The following GPD1L variants were observed in gnomAD, a reference collection of about 807,000 sequenced individuals.
GPD1L encodes the protein glycerol-3-phosphate dehydrogenase 1-like protein.
Under a neutral mutation model 32.9 loss-of-function variants are expected in GPD1L, and 17 were observed. That is an observed-to-expected ratio of 0.52 (90% CI 0.35 to 0.78). The LOEUF (loss-of-function observed/expected upper bound fraction) is 0.78. Among genes scored for constraint, GPD1L ranks in the 30% least tolerant of loss-of-function variants. GPD1L has a pLI of 0.01. For synonymous variants in GPD1L, 187 were observed against 165.9 expected (o/e 1.13, Z -0.98); for missense variants, 361 against 447.8 (o/e 0.81, Z 1.75).
chr3:32,167,504 A>C lies in GPD1L; in HGVS notation c.*1594A>C, dbSNP rs1559586521. The C allele has an allele frequency of 6.6e-6, 1 of 152,634 alleles. No homozygotes were observed. Among genetic ancestry groups the C allele is most frequent in the Non-Finnish European group, 1.5e-5 (1 of 68,040 alleles). 9.5% of individuals were successfully genotyped at this position (152,634 alleles called of 1,614,324 possible). On this transcript the variant is annotated 3_prime_UTR_variant, in exon 8 of 8. Coordinates refer to ENST00000282541, the MANE Select transcript of GPD1L (RefSeq NM_015141.4). Reference sequence around the variant, plus strand: ...TGCTGTGAATCTTTGATGAAGCTTTAAGGTGACACTGTTGTACAAGATGTC... The same window carrying C: ...TGCTGTGAATCTTTGATGAAGCTTTCAGGTGACACTGTTGTACAAGATGTC...
chr3:32,140,578 A>G (rs956367520), intron 4 of GPD1L, among the ~76,000 whole-genome samples: 4 of 152,266 alleles, frequency 2.6e-5, no homozygotes, highest in African/African-American at 9.6e-5. Flanking sequence ...ATAAATGAAT[A>G]TAGCCAAGAA....
Position 32,165,883 on chromosome 3 carries a change from T to C in GPD1L, c.1029T>C (p.Cys343=). The C allele has an allele frequency of 6.2e-7, 1 of 1,600,736 alleles. No individual in the cohort carries two copies. The highest frequency in any genetic ancestry group is 8.6e-7 in the Non-Finnish European group (1 of 1,167,696). The change falls in exon 8 of 8, where the codon TGT becomes TGC. Residue 343 remains cysteine (C), a synonymous_variant. Transcript: ENST00000282541. ...GACCAGTTCAAGAGATGTTGTCTTG[T>C]CTTCAGAGCCATCCAGAGCATACAT... ...ESRPVQEMLS[C]LQSHPEHT
At chr3:32,121,015 C>T (rs1243134944) in intron 1 of GPD1L, among the ~76,000 whole-genome samples, 1 of 152,012 alleles carries the variant, frequency 6.6e-6, no homozygotes, top group African/African-American at 2.4e-5. Context: ...GACTCAGGGC[C>T]GTAGAGCAGA....
intron 5 of GPD1L, among the ~76,000 whole-genome samples, 181 bp downstream of exon 5, chr3:32,146,915 C>G (rs1444511137): frequency 6.6e-6 from 1 of 152,212 alleles, no homozygotes; most frequent in African/African-American, 2.4e-5. Flanking sequence ...CAGTTCCTCT[C>G]TTACTCGTGG....
At chr3:32,114,325 A>G (rs186470349) in intron 1 of GPD1L, among the ~76,000 whole-genome samples, 2 of 152,402 alleles carry the variant, frequency 1.3e-5, no homozygotes, top group Admixed American at 1.3e-4. Flanking sequence ...GCAAACCTTC[A>G]TGAACTTAAT....
chr3:32,158,778 C>A, intron 5 of GPD1L, 98 bp from the exon 6 acceptor site: 1 of 1,548,706 alleles, frequency 6.5e-7, no homozygotes, highest in African/African-American at 1.4e-5. Flanking sequence ...AGCCAATGTC[C>A]CTGGTCTGCC....
chr3:32,144,061 A>G (rs1210358515), intron 4 of GPD1L, among the ~76,000 whole-genome samples: 1 of 152,200 alleles, frequency 6.6e-6, no homozygotes, highest in African/African-American at 2.4e-5. Context: ...GTGGAAGACA[A>G]TGCAGAGGTG....
At chr3:32,136,270 C>T (rs1700659084) in intron 2 of GPD1L, among the ~76,000 whole-genome samples, 1 of 152,220 alleles carries the variant, frequency 6.6e-6, no homozygotes. Context: ...CAGCATCCCA[C>T]ACTGTTCAAG....
intron 1 of GPD1L, among the ~76,000 whole-genome samples, chr3:32,110,732 T>C (rs1700233868): frequency 6.6e-6 from 1 of 152,252 alleles, no homozygotes; most frequent in Non-Finnish European, 1.5e-5. Flanking sequence ...AGCCCTGCTG[T>C]GTTGCCCACT....
rs538623908 is a variant in GPD1L at position 32,127,962 on chromosome 3, A to G, written c.48-114A>G. 279 of 774,882 alleles carry G rather than the reference A, an allele frequency of 3.6e-4. 2 individuals carry two copies. In the South Asian group the frequency reaches 3.6e-3, roughly 10 times the overall value. 48.0% of individuals were successfully genotyped at this position (774,882 alleles called of 1,614,324 possible). ...GGCTGATACACGTCACATCTTGAGT[A>G]GGCTCAGTGTTTGAATCAGAATCAA... On this transcript the variant is annotated intron_variant, in intron 1 of 7. Transcript: ENST00000282541.
chr3:32,130,100 C>T (rs1700563690), intron 2 of GPD1L, among the ~76,000 whole-genome samples: 1 of 152,030 alleles, frequency 6.6e-6, no homozygotes, highest in Admixed American at 6.5e-5. Flanking sequence ...AGTGAATCTG[C>T]TGAGTGGTTC....
At chr3:32,120,005 G>T (rs963488452) in intron 1 of GPD1L, among the ~76,000 whole-genome samples, 14 of 152,176 alleles carry the variant, frequency 9.2e-5, no homozygotes, top group African/African-American at 3.4e-4. Context: ...AGTTTAAAGA[G>T]AGTTTAATTA....
chr3:32,158,737 C>A, intron 5 of GPD1L, 139 bp from the exon 6 acceptor site: 1 of 1,524,262 alleles, frequency 6.6e-7, no homozygotes, highest in East Asian at 2.5e-5. Flanking sequence ...TGTACAAGAG[C>A]AGAGCCCGGC....
intron 5 of GPD1L, among the ~76,000 whole-genome samples, chr3:32,153,282 A>G (rs953686482): frequency 6.6e-6 from 1 of 152,256 alleles, no homozygotes; most frequent in Non-Finnish European, 1.5e-5. Context: ...ATAATCTGAC[A>G]TGCTAGCCAC....
intron 7 of GPD1L, among the ~76,000 whole-genome samples, chr3:32,162,258 G>A (rs1187166647): frequency 6.6e-6 from 1 of 152,172 alleles, no homozygotes; most frequent in African/African-American, 2.4e-5. Flanking sequence ...TGGTCCTTAG[G>A]CAGATGTGGC....
chr3:32,138,610 G>A lies in GPD1L; in HGVS notation c.249G>A (p.Glu83=), dbSNP rs1700698966. ...ENVVAMSNLS[E]AVQDADLLVF... The stretch of plus-strand genomic sequence containing the variant: ...AGGTTGCCATGTCAAATCTTAGCGA[G>A]GCTGTGCAGGATGCAGACCTGCTGG... The change falls in exon 3 of 8, where the codon GAG becomes GAA. Residue 83 remains glutamate (E), a synonymous_variant. Coordinates refer to ENST00000282541, the MANE Select transcript of GPD1L (RefSeq NM_015141.4). The A allele has an allele frequency of 6.2e-7, 1 of 1,614,090 alleles. No individual in the cohort carries two copies. Among genetic ancestry groups the A allele is most frequent in the Non-Finnish European group, 8.5e-7 (1 of 1,179,966 alleles).
rs1701166088 is a variant in GPD1L at position 32,167,591 on chromosome 3, T to A, written c.*1681T>A. On this transcript the variant is annotated 3_prime_UTR_variant, in exon 8 of 8. Transcript: ENST00000282541. ...TTTAATTGTAGAATTAGAATGGGATTTACTGTACTGTTTTAAATGAGATTG... is the reference window on the plus strand; with the variant it reads ...TTTAATTGTAGAATTAGAATGGGATATACTGTACTGTTTTAAATGAGATTG... 1 of 152,650 alleles carries A rather than the reference T, an allele frequency of 6.6e-6. No homozygotes were observed. The highest frequency in any genetic ancestry group is 1.5e-5 in the Non-Finnish European group (1 of 68,042). 9.5% of individuals were successfully genotyped at this position (152,650 alleles called of 1,614,324 possible).
chr3:32,132,243 G>A (rs1223607019), intron 2 of GPD1L, among the ~76,000 whole-genome samples: 1 of 152,090 alleles, frequency 6.6e-6, no homozygotes, highest in African/African-American at 2.4e-5. Flanking sequence ...AACTCTTTGA[G>A]TATAGTTTCT....
At chr3:32,128,038 T>C (rs1373466702) in intron 1 of GPD1L, 38 bp from the exon 2 acceptor site, 11 of 1,428,500 alleles carry the variant, frequency 7.7e-6, no homozygotes, top group Non-Finnish European at 1.1e-5. Context: ...CCCGCCCAAG[T>C]GAGTTTATGT....
Sources: gnomAD v4.1 joint callset for allele counts (sites outside exome capture counted in the v4.1 genomes callset) on GRCh38, gnomAD v4.1.1 for gene constraint, MANE v1.5 for transcripts, NCBI Gene and HGNC (gene_info 2026-07-23, HGNC 2026-07-21) for gene names.